Variants in FKBP1B observed in about 807,000 individuals in gnomAD.
FKBP1B encodes FKBP prolyl isomerase 1B.
FKBP1B carries 4 observed loss-of-function variants against 13.5 expected under a neutral mutation model. The observed-to-expected ratio is 0.30, with a 90% CI of 0.15 to 0.68. The LOEUF is 0.68. FKBP1B is among the 30% of genes least tolerant of loss of function. FKBP1B has a pLI of 0.76. For missense variants in FKBP1B, 93 were observed against 136.2 expected (o/e 0.68, Z 1.58); for synonymous variants, 54 against 53.6 (o/e 1.01, Z -0.03).
the FKBP1B span, among the ~76,000 whole-genome samples, chr2:24,036,353 A>G: frequency 6.6e-6 from 1 of 152,082 alleles, no homozygotes; most frequent in South Asian, 2.1e-4. Context: ...TAAAAAAAAA[A>G]AAAATTAGCC....
At chr2:24,037,755 G>C in the FKBP1B span, 18 of 1,614,212 alleles carry the variant, frequency 1.1e-5, no homozygotes, top group South Asian at 1.9e-4. Flanking sequence ...TATGCAGACG[G>C]TTTGTAAGTT....
upstream of FKBP1B, among the ~76,000 whole-genome samples, chr2:24,048,844 TG>T (rs1663718582): frequency 6.6e-6 from 1 of 152,212 alleles, no homozygotes. Flanking sequence ...AGTAACTGTG[TG>T]TCCCCGTCCC....
At chr2:24,038,302 A>C in the FKBP1B span, 1 of 1,614,194 alleles carries the variant, frequency 6.2e-7, no homozygotes, top group Non-Finnish European at 8.5e-7. Flanking sequence ...AATTAGTAAT[A>C]GTTGGTCTGT....
At chr2:24,041,316 G>A in the FKBP1B span, among the ~76,000 whole-genome samples, 1 of 150,616 alleles carries the variant, frequency 6.6e-6, no homozygotes, top group African/African-American at 2.4e-5. Flanking sequence ...TTCAGCCTGG[G>A]CGACAGGAGC....
chr2:24,063,520 C>A lies in FKBP1B; in HGVS notation c.*328C>A. On this transcript the variant is annotated 3_prime_UTR_variant, in exon 4 of 4. Coordinates refer to ENST00000380986, the MANE Select transcript of FKBP1B (RefSeq NM_004116.5). ...GCCTTACCTTCACTTAAACCACACA[C>A]ACAAGGTGCTCAGACATGAAATGTA... 3.3e-6 allele frequency: 1 copy of A among 298,532 alleles called. No individual in the cohort carries two copies. The highest frequency in any genetic ancestry group is 6.2e-6 in the Non-Finnish European group (1 of 160,878). 18.5% of individuals were successfully genotyped at this position (298,532 alleles called of 1,614,324 possible).
chr2:24,047,981 A>G (rs1452329100), upstream of FKBP1B, among the ~76,000 whole-genome samples: 1 of 152,106 alleles, frequency 6.6e-6, no homozygotes, highest in Non-Finnish European at 1.5e-5. Flanking sequence ...CAACACAGCC[A>G]GAACACCTTC....
chr2:24,041,429 A>C, the FKBP1B span, among the ~76,000 whole-genome samples: 2 of 152,094 alleles, frequency 1.3e-5, no homozygotes, highest in South Asian at 4.1e-4. Context: ...TGATAAAAGC[A>C]TCATTAACAA....
chr2:24,037,940 T>C, the FKBP1B span: 176 of 1,613,836 alleles, frequency 1.1e-4, no homozygotes, highest in Non-Finnish European at 1.4e-4. Flanking sequence ...GCTGGCTGGG[T>C]AACAGGCTCA....
chr2:24,056,503 C>G (rs1186728888), intron 2 of FKBP1B, among the ~76,000 whole-genome samples: 1 of 151,856 alleles, frequency 6.6e-6, no homozygotes, highest in Non-Finnish European at 1.5e-5. Flanking sequence ...ACCACCACAC[C>G]CAGCTAATTT....
chr2:24,039,032 T>C, the FKBP1B span: 1 of 1,614,112 alleles, frequency 6.2e-7, no homozygotes, highest in Non-Finnish European at 8.5e-7. Flanking sequence ...CGGCCCTGGG[T>C]GTTGATGTCT....
At chr2:24,058,854 T>G (rs1664251478) in intron 2 of FKBP1B, among the ~76,000 whole-genome samples, 1 of 152,264 alleles carries the variant, frequency 6.6e-6, no homozygotes, top group Non-Finnish European at 1.5e-5. Context: ...TCCATCTGCA[T>G]GTACCTCTGT....
Position 24,058,000 on chromosome 2 carries a change from C to T in FKBP1B, c.86-2814C>T, listed in dbSNP as rs554690759. Among the ~76,000 whole-genome samples, 7 of 152,064 alleles carry T rather than the reference C, an allele frequency of 4.6e-5. No homozygotes were observed. In the South Asian group the frequency reaches 1.5e-3, roughly 32 times the overall value. ...TCACCTGAGGTCAGGAGTTCGAGACCAGCCTTGCCAACATGGTGAAACCCT... is the reference window on the plus strand; with the variant it reads ...TCACCTGAGGTCAGGAGTTCGAGACTAGCCTTGCCAACATGGTGAAACCCT... On this transcript the variant is annotated intron_variant, in intron 2 of 3. Transcript: ENST00000380986.
the FKBP1B span, among the ~76,000 whole-genome samples, chr2:24,035,724 G>A: frequency 6.6e-6 from 1 of 151,372 alleles, no homozygotes; most frequent in Non-Finnish European, 1.5e-5. Flanking sequence ...AAACAAGCCT[G>A]GGCAACATAG....
chr2:24,059,535 G>C (rs1484582106), intron 2 of FKBP1B, among the ~76,000 whole-genome samples: 3 of 149,918 alleles, frequency 2.0e-5, no homozygotes, highest in Non-Finnish European at 4.4e-5. Flanking sequence ...CTTATGCGAG[G>C]ACTCAACCTG....
chr2:24,058,285 T>C (rs981364232), intron 2 of FKBP1B, among the ~76,000 whole-genome samples: 13 of 152,198 alleles, frequency 8.5e-5, no homozygotes, highest in African/African-American at 3.1e-4. Flanking sequence ...ATTCTATCTT[T>C]CATATTTAGG....
the FKBP1B span, among the ~76,000 whole-genome samples, chr2:24,036,097 T>TAAATAAATA: frequency 1.3e-5 from 2 of 148,548 alleles, no homozygotes; most frequent in African/African-American, 2.5e-5. Flanking sequence ...AATAAATAAA[T>TAAATAAATA]AAATAAATAA....
chr2:24,043,491 T>TAAAAC, the FKBP1B span, among the ~76,000 whole-genome samples: 46,107 of 151,010 alleles, frequency 0.31, 7,869 homozygotes, highest in African/African-American at 0.47. Flanking sequence ...TGTCTCTACT[T>TAAAAC]AAAACAAAAC....
At chr2:24,051,333 CA>C (rs568507946) in intron 1 of FKBP1B, among the ~76,000 whole-genome samples, 103 of 140,940 alleles carry the variant, frequency 7.3e-4, no homozygotes, top group Admixed American at 1.4e-3. Flanking sequence ...GACTCTATCT[CA>C]AAAAAAAAAA....
the FKBP1B span, chr2:24,037,683 A>G: frequency 1.2e-6 from 2 of 1,607,970 alleles, no homozygotes; most frequent in Non-Finnish European, 1.7e-6. Flanking sequence ...TTACCTGGTA[A>G]ATGATGTGAA....
Sources: allele counts gnomAD v4.1 joint callset (sites outside exome capture counted in the v4.1 genomes callset), GRCh38; gene constraint gnomAD v4.1.1; transcripts MANE v1.5; gene names NCBI Gene and HGNC (gene_info 2026-07-23, HGNC 2026-07-21).